Variants in ARHGAP44 observed in about 807,000 individuals in gnomAD.
The protein encoded by ARHGAP44 is rho GTPase-activating protein 44.
ARHGAP44 carries 43 observed loss-of-function variants against 106.8 expected under a neutral mutation model. The ratio of observed to expected loss-of-function variants is 0.40; its 90% CI spans 0.32 to 0.52. The LOEUF is 0.52. Among genes scored for constraint, ARHGAP44 ranks in the 20% least tolerant of loss-of-function variants. The pLI is 0.48. For missense variants in ARHGAP44, 866 were observed against 1,050.5 expected (o/e 0.82, Z 2.43); for synonymous variants, 439 against 410.3 (o/e 1.07, Z -0.85).
At chr17:12,827,953 C>A (rs1207634981) in intron 1 of ARHGAP44, among the ~76,000 whole-genome samples, 1 of 145,940 alleles carries the variant, frequency 6.9e-6, no homozygotes, top group African/African-American at 2.6e-5. Flanking sequence ...GCAGGAGAAT[C>A]ACTTGAACCT....
At chr17:12,868,589 TTTTATATATATATATATA>T (rs1441383362) in intron 1 of ARHGAP44, among the ~76,000 whole-genome samples, 1,166 of 104,918 alleles carry the variant, frequency 0.011, 47 homozygotes, top group African/African-American at 0.024. Context: ...TATATATGCA[TTTTATATATATATATATA>T]TATATATATA....
intron 1 of ARHGAP44, among the ~76,000 whole-genome samples, chr17:12,882,429 A>G (rs185649527): frequency 1.3e-5 from 2 of 152,204 alleles, no homozygotes; most frequent in African/African-American, 4.8e-5. Flanking sequence ...CTTCCCTTTT[A>G]GTTTTAAAAT....
rs373858971 is a variant in ARHGAP44, at chr17:12,973,284, A to G, written c.1524-18A>G. The G allele has an allele frequency of 3.1e-6, 5 of 1,605,306 alleles. No homozygotes were observed. In the African/African-American group the frequency reaches 6.7e-5, roughly 21 times the overall value. On this transcript the variant is annotated intron_variant, in intron 16 of 20. Transcript: ENST00000379672. ...TAGATTTTTTGAAACTAATATCTGT[A>G]TGTTTCTGTCCCTGCAGCCTTAGGA...
In ARHGAP44 at chr17:12,861,520, C is replaced by G. The variant is rs975756777; in HGVS notation, c.54-33420C>G. ...CTCTGGAGGCAGCCCACTTTGTTTGCCTTGTGGCCCCTTCCGCCGTCTTCA... is the reference window on the plus strand; with the variant it reads ...CTCTGGAGGCAGCCCACTTTGTTTGGCTTGTGGCCCCTTCCGCCGTCTTCA... On this transcript the variant is annotated intron_variant, in intron 1 of 20. Coordinates refer to ENST00000379672, the MANE Select transcript of ARHGAP44 (RefSeq NM_014859.6). Among the ~76,000 whole-genome samples, 5 of 152,056 alleles carry G rather than the reference C, an allele frequency of 3.3e-5. 1 individual carries two copies. The highest frequency in any genetic ancestry group is 1.2e-4 in the African/African-American group (5 of 41,508).
chr17:12,968,456 A>G (rs1285889256), intron 16 of ARHGAP44, among the ~76,000 whole-genome samples: 2 of 152,132 alleles, frequency 1.3e-5, no homozygotes, highest in African/African-American at 4.8e-5. Flanking sequence ...TTTCCAAAGA[A>G]CCTTTCAGAC....
chr17:12,866,512 G>T (rs1300958791), intron 1 of ARHGAP44, among the ~76,000 whole-genome samples: 1 of 151,656 alleles, frequency 6.6e-6, no homozygotes, highest in Non-Finnish European at 1.5e-5. Context: ...AAGAGAGAGA[G>T]AGGAAAAAAA....
chr17:12,916,134 A>G, intron 5 of ARHGAP44, 123 bp downstream of exon 5: 1 of 780,622 alleles, frequency 1.3e-6, no homozygotes, highest in Non-Finnish European at 2.1e-6. Context: ...ATTGTTTTTC[A>G]TCAGGGATTC....
chr17:12,990,570 C>T lies in ARHGAP44; in HGVS notation c.*399C>T, dbSNP rs900513842. 1.4e-4 allele frequency: 24 copies of T among 177,588 alleles called. No homozygotes were observed. The highest frequency in any genetic ancestry group is 8.1e-4 in the Admixed American group (15 of 18,468). The allele number at this position is 177,588 out of a possible 1,614,324, so 11.0% of individuals were successfully genotyped here. ...CAAGGGCTGCTACCTTTTCCTTGGA[C>T]GGCTCATGTCAGGTCTTGCAGGATC... On this transcript the variant is annotated 3_prime_UTR_variant, in exon 21 of 21. Coordinates refer to ENST00000379672, the MANE Select transcript of ARHGAP44 (RefSeq NM_014859.6).
At chr17:12,790,546 G>C (rs2033715227) in intron 1 of ARHGAP44, 1 of 152,406 alleles carries the variant, frequency 6.6e-6, no homozygotes, top group African/African-American at 2.4e-5. Context: ...AGGGAGGGAG[G>C]CTGCAAAAAG....
rs114484842 is a variant in ARHGAP44 at position 12,941,674 on chromosome 17, G to A, written c.651+550G>A. Among the ~76,000 whole-genome samples, 689 of 152,300 alleles carry A rather than the reference G, an allele frequency of 4.5e-3. 2 individuals are homozygous for A. The highest frequency in any genetic ancestry group is 0.016 in the African/African-American group (650 of 41,558). On this transcript the variant is annotated intron_variant, in intron 8 of 20. Transcript: ENST00000379672. The stretch of plus-strand genomic sequence containing the variant: ...GAAAGGCAGTGACTGATAGGTATAT[G>A]ATGATTGATGTGGCCTGTTGGCCTG...
At chr17:12,961,393 CATA>C (rs1260384891) in intron 16 of ARHGAP44, among the ~76,000 whole-genome samples, 2 of 152,188 alleles carry the variant, frequency 1.3e-5, no homozygotes, top group African/African-American at 4.8e-5. Context: ...AAATTTATTA[CATA>C]ATGTATTGTT....
At chr17:12,926,461 TATATA>T (rs925161339) in intron 6 of ARHGAP44, among the ~76,000 whole-genome samples, 1 of 108,244 alleles carries the variant, frequency 9.2e-6, no homozygotes, top group Non-Finnish European at 1.9e-5. Context: ...TATATATACA[TATATA>T]ATATATATAA....
At chr17:12,884,617 C>T (rs2036831345) in intron 1 of ARHGAP44, among the ~76,000 whole-genome samples, 1 of 152,070 alleles carries the variant, frequency 6.6e-6, no homozygotes, top group African/African-American at 2.4e-5. Flanking sequence ...ATTTATGTAA[C>T]CTCCACCACA....
At chr17:12,964,786 CA>C (rs996352478) in intron 16 of ARHGAP44, among the ~76,000 whole-genome samples, 1 of 150,496 alleles carries the variant, frequency 6.6e-6, no homozygotes, top group East Asian at 2.0e-4. Context: ...GACTCTGTCT[CA>C]AAAAAAACAG....
intron 1 of ARHGAP44, among the ~76,000 whole-genome samples, chr17:12,860,841 T>TG (rs1176211495): frequency 6.6e-6 from 1 of 150,422 alleles, no homozygotes; most frequent in African/African-American, 2.5e-5. Flanking sequence ...AATCGGTATA[T>TG]GGTTTTTTTC....
chr17:12,938,268 A>G (rs1230346051), intron 7 of ARHGAP44, among the ~76,000 whole-genome samples: 1 of 152,184 alleles, frequency 6.6e-6, no homozygotes, highest in African/African-American at 2.4e-5. Context: ...AATTTCCCAG[A>G]ATTAATTTGA....
At chr17:12,981,213 A>G (rs903770540) in intron 19 of ARHGAP44, among the ~76,000 whole-genome samples, 1 of 152,184 alleles carries the variant, frequency 6.6e-6, no homozygotes, top group Non-Finnish European at 1.5e-5. Flanking sequence ...CACTCAGGGT[A>G]CTGTAAGGAC....
chr17:12,848,845 G>A (rs931461550), intron 1 of ARHGAP44, among the ~76,000 whole-genome samples: 1 of 152,106 alleles, frequency 6.6e-6, no homozygotes, highest in African/African-American at 2.4e-5. Context: ...TCAGGAGTTC[G>A]AGACCAGCCT....
intron 1 of ARHGAP44, 79 bp downstream of exon 1, chr17:12,789,970 C>T: frequency 7.4e-7 from 1 of 1,353,770 alleles, no homozygotes; most frequent in Non-Finnish European, 9.9e-7. Flanking sequence ...ATGGAGCCCG[C>T]CCAGCCTCCA....
Sources: gnomAD v4.1 joint callset for allele counts (sites outside exome capture counted in the v4.1 genomes callset) on GRCh38, gnomAD v4.1.1 for gene constraint, MANE v1.5 for transcripts, NCBI Gene and HGNC (gene_info 2026-07-23, HGNC 2026-07-21) for gene names.